The following CRIM1 variants were observed in gnomAD, a reference collection of about 807,000 sequenced individuals.
The protein encoded by CRIM1 is cysteine rich transmembrane BMP regulator 1, also known as cysteine-rich motor neuron 1 protein.
In CRIM1, 32 loss-of-function variants were observed where a neutral mutation model predicts 116.4. The ratio of observed to expected loss-of-function variants is 0.27; its 90% CI spans 0.21 to 0.37. The LOEUF (loss-of-function observed/expected upper bound fraction) is 0.37. Among genes scored for constraint, CRIM1 ranks in the 10% least tolerant of loss-of-function variants. CRIM1 has a pLI of 1.00. For missense variants in CRIM1, 1,331 were observed against 1,354.8 expected (o/e 0.98, Z 0.28); for synonymous variants, 590 against 509.2 (o/e 1.16, Z -2.13).
At chr2:36,404,351 G>T (rs987998775) in intron 2 of CRIM1, among the ~76,000 whole-genome samples, 2 of 152,158 alleles carry the variant, frequency 1.3e-5, no homozygotes, top group Non-Finnish European at 2.9e-5. Context: ...CCCACACCTG[G>T]AATTAGGGCT....
At chr2:36,420,558 G>A (rs934978027) in intron 2 of CRIM1, among the ~76,000 whole-genome samples, 2 of 152,208 alleles carry the variant, frequency 1.3e-5, no homozygotes, top group African/African-American at 2.4e-5. Flanking sequence ...CTTGCCATAT[G>A]TACGGGGTCT....
intron 7 of CRIM1, among the ~76,000 whole-genome samples, chr2:36,489,509 G>A (rs115644807): frequency 0.012 from 1,873 of 152,244 alleles, 58 homozygotes; most frequent in African/African-American, 0.043. Flanking sequence ...CACAGGGGGT[G>A]TGTCCCATAG....
At chr2:36,470,781 G>C (rs1325804833) in intron 5 of CRIM1, among the ~76,000 whole-genome samples, 5 of 152,174 alleles carry the variant, frequency 3.3e-5, no homozygotes, top group Non-Finnish European at 7.4e-5. Context: ...TTCAAGTCTT[G>C]TTAATTAAGA....
chr2:36,394,188 T>C (rs186534202), intron 1 of CRIM1, among the ~76,000 whole-genome samples: 1 of 152,316 alleles, frequency 6.6e-6, no homozygotes, highest in Admixed American at 6.5e-5. Flanking sequence ...AAAGATTTCC[T>C]CTTAAAACTG....
intron 4 of CRIM1, among the ~76,000 whole-genome samples, chr2:36,450,993 C>A (rs1676675928): frequency 6.6e-6 from 1 of 152,198 alleles, no homozygotes; most frequent in African/African-American, 2.4e-5. Flanking sequence ...CGAATGGAAT[C>A]TTTGGCAGGT....
chr2:36,475,315 C>G (rs848548), intron 5 of CRIM1, among the ~76,000 whole-genome samples: 1 of 151,954 alleles, frequency 6.6e-6, no homozygotes, highest in Non-Finnish European at 1.5e-5. Flanking sequence ...TATGTTATTA[C>G]ATTTATTCCT....
chr2:36,474,847 C>CAAAAGAAAAAAAAA (rs1678830567), intron 5 of CRIM1, among the ~76,000 whole-genome samples: 2 of 90,764 alleles, frequency 2.2e-5, no homozygotes, highest in African/African-American at 4.4e-5. Flanking sequence ...GACTCTATAT[C>CAAAAGAAAAAAAAA]AAAAAAAAAA....
intron 2 of CRIM1, among the ~76,000 whole-genome samples, chr2:36,423,912 G>A (rs929915303): frequency 2.6e-5 from 4 of 152,174 alleles, no homozygotes; most frequent in African/African-American, 9.7e-5. Context: ...AGCTAGGAAA[G>A]GTGACTGAGG....
At position 36,380,256 on chromosome 2, in the gene CRIM1, T is replaced by TTA. The variant is rs1209004829; in HGVS notation, c.332-16358_332-16357insTA. Among the ~76,000 whole-genome samples, 7 of 152,330 alleles carry TTA rather than the reference T, an allele frequency of 4.6e-5. No homozygotes were observed. In the South Asian group the frequency reaches 1.0e-3, roughly 23 times the overall value. On this transcript the variant is annotated intron_variant, in intron 1 of 16. Coordinates refer to ENST00000280527, the MANE Select transcript of CRIM1 (RefSeq NM_016441.3). ...GTTCACCTGTTGATGCTACACAGTT[T>TTA]GAGCTCAAGCTCCTTATTCTTTGCC... is the stretch of plus-strand genomic sequence containing the variant.
chr2:36,512,196 G>T, intron 9 of CRIM1, 77 bp from the exon 10 acceptor site: 1 of 1,518,776 alleles, frequency 6.6e-7, no homozygotes, highest in South Asian at 1.2e-5. Flanking sequence ...TCACTTTATT[G>T]ACCCTTGGTC....
chr2:36,451,722 G>C (rs1438643803), intron 4 of CRIM1, among the ~76,000 whole-genome samples: 1 of 152,156 alleles, frequency 6.6e-6, no homozygotes, highest in East Asian at 1.9e-4. Flanking sequence ...GAGGGTGTTG[G>C]GAGGTGGGAG....
chr2:36,374,640 C>T (rs1670182096), intron 1 of CRIM1, among the ~76,000 whole-genome samples: 1 of 152,126 alleles, frequency 6.6e-6, no homozygotes, highest in Non-Finnish European at 1.5e-5. Flanking sequence ...CATTTCCTTT[C>T]CCCCTTTCTT....
chr2:36,455,276 A>G (rs951978288), intron 4 of CRIM1, among the ~76,000 whole-genome samples: 3 of 152,042 alleles, frequency 2.0e-5, no homozygotes, highest in Non-Finnish European at 4.4e-5. Flanking sequence ...GTCCACATAG[A>G]CTCTCAAGCC....
Position 36,466,075 on chromosome 2 carries a change from A to G in CRIM1, c.991+1420A>G, listed in dbSNP as rs893176965. Among the ~76,000 whole-genome samples, 37 of 151,736 alleles carry G rather than the reference A, an allele frequency of 2.4e-4. No individual in the cohort carries two copies. In the Middle Eastern group the frequency reaches 0.01, roughly 42 times the overall value. On this transcript the variant is annotated intron_variant, in intron 5 of 16. Coordinates refer to ENST00000280527, the MANE Select transcript of CRIM1 (RefSeq NM_016441.3). ...TAATTTTTTTGTATTTTTAGTAGAGACAGGGTTTCACTGTGTTAACCAGGA... is the reference window on the plus strand; with the variant it reads ...TAATTTTTTTGTATTTTTAGTAGAGGCAGGGTTTCACTGTGTTAACCAGGA...
chr2:36,441,411 A>T lies in CRIM1; in HGVS notation c.659A>T (p.Lys220Ile), dbSNP rs1308563806. The change falls in exon 3 of 17, where the codon AAA becomes ATA. Residue 220 changes from lysine to isoleucine, a missense_variant. By Grantham distance (102) the Lys-to-Ile change is moderately radical. Coordinates refer to ENST00000280527, the MANE Select transcript of CRIM1 (RefSeq NM_016441.3). Reference sequence around the variant, plus strand: ...TGCAACCCCGCAGGCTGTCTGCGCAAAGTCTGCCAGCCGGGAAACCTGAAC... The same window carrying T: ...TGCAACCCCGCAGGCTGTCTGCGCATAGTCTGCCAGCCGGGAAACCTGAAC... Reference protein sequence around the residue: ...CVCNPAGCLRKVCQPGNLNIL... With the variant: ...CVCNPAGCLRIVCQPGNLNIL... 3 of 1,614,084 alleles carry T rather than the reference A, an allele frequency of 1.9e-6. No homozygotes were observed. In the South Asian group the frequency reaches 3.3e-5, roughly 18 times the overall value.
intron 4 of CRIM1, among the ~76,000 whole-genome samples, chr2:36,449,529 C>T (rs540013731): frequency 6.6e-6 from 1 of 152,292 alleles, no homozygotes; most frequent in South Asian, 2.1e-4. Context: ...AATCATGTGT[C>T]CAGAGCTAGA....
chr2:36,441,388 C>T lies in CRIM1; in HGVS notation c.636C>T (p.Cys212=). The change falls in exon 3 of 17, where the codon TGC becomes TGT. Residue 212 remains cysteine (C), a synonymous_variant. Coordinates refer to ENST00000280527, the MANE Select transcript of CRIM1 (RefSeq NM_016441.3). ...ECCPLPSRCV[C]NPAGCLRKVC... is the part of the protein sequence containing the mutation. Reference sequence around the variant, plus strand: ...GTCCCTTACCCAGCCGCTGCGTGTGCAACCCCGCAGGCTGTCTGCGCAAAG... The same window carrying T: ...GTCCCTTACCCAGCCGCTGCGTGTGTAACCCCGCAGGCTGTCTGCGCAAAG... The T allele has an allele frequency of 6.2e-7, 1 of 1,614,210 alleles. No homozygotes were observed. Among genetic ancestry groups the T allele is most frequent in the Non-Finnish European group, 8.5e-7 (1 of 1,180,034 alleles).
intron 4 of CRIM1, 46 bp from the exon 5 acceptor site, chr2:36,464,488 T>A: frequency 3.1e-6 from 5 of 1,609,746 alleles, no homozygotes; most frequent in Non-Finnish European, 4.3e-6. Context: ...GACTTCTATG[T>A]TGTTGTTTAT....
chr2:36,435,458 G>A (rs1449738726), intron 2 of CRIM1, among the ~76,000 whole-genome samples: 1 of 151,890 alleles, frequency 6.6e-6, no homozygotes, highest in Non-Finnish European at 1.5e-5. Flanking sequence ...AGAAATAATG[G>A]TAATCTGCCA....
Sources: gnomAD v4.1 joint callset for allele counts (sites outside exome capture counted in the v4.1 genomes callset) on GRCh38, gnomAD v4.1.1 for gene constraint, MANE v1.5 for transcripts, NCBI Gene and HGNC (gene_info 2026-07-23, HGNC 2026-07-21) for gene names.